DYNLT5: variants seen among roughly 807,000 people sequenced by gnomAD.
DYNLT5 encodes the protein dynein light chain Tctex-type family member 5, also known as dynein light chain Tctex-type 5.
A neutral mutation model predicts 19.3 loss-of-function variants in DYNLT5; 25 were observed. The observed-to-expected ratio is 1.30, with a 90% CI of 0.95 to 1.81. DYNLT5 has a LOEUF of 1.81. Ranked by LOEUF, DYNLT5 falls within the 40% of genes most tolerant of loss-of-function variation. The pLI, the probability that DYNLT5 is intolerant of heterozygous loss-of-function variation, is 0.00. For missense variants in DYNLT5, 232 were observed against 217.9 expected, an observed-to-expected ratio of 1.06 and a Z score of -0.41; for synonymous variants, 82 against 68.9, an observed-to-expected ratio of 1.19 and a Z score of -0.94.
intron 2 of DYNLT5, among the ~76,000 whole-genome samples, chr1:66,762,484 G>A (rs2094647724): frequency 1.3e-5 from 2 of 152,138 alleles, no homozygotes; most frequent in African/African-American, 2.4e-5. Context: ...TTCCTCCACT[G>A]AAGACTTGAA....
intron 3 of DYNLT5, 49 bp downstream of exon 3, chr1:66,770,527 C>A: frequency 7.5e-7 from 1 of 1,330,512 alleles, no homozygotes; most frequent in South Asian, 1.2e-5. Context: ...AAATTGGTGA[C>A]TGATTCTCTT....
At chr1:66,775,932 G>A (rs1259143249) in intron 3 of DYNLT5, among the ~76,000 whole-genome samples, 1 of 152,146 alleles carries the variant, frequency 6.6e-6, no homozygotes, top group Non-Finnish European at 1.5e-5. Context: ...CTGGTAGATA[G>A]ATTGGAGCGG....
chr1:66,757,507 T>A (rs1006648860), intron 2 of DYNLT5, among the ~76,000 whole-genome samples: 1 of 152,200 alleles, frequency 6.6e-6, no homozygotes, highest in African/African-American at 2.4e-5. Context: ...GTTGGCATAT[T>A]TCTGTTAGAC....
At chr1:66,774,161 C>T (rs1645221487) in intron 3 of DYNLT5, among the ~76,000 whole-genome samples, 1 of 152,122 alleles carries the variant, frequency 6.6e-6, no homozygotes, top group Non-Finnish European at 1.5e-5. Flanking sequence ...TGTGCACTTT[C>T]TTCTCTTTTG....
intron 3 of DYNLT5, chr1:66,774,915 T>C (rs1468325390): frequency 6.6e-6 from 1 of 152,172 alleles, no homozygotes; most frequent in African/African-American, 2.4e-5. Flanking sequence ...ACAGATACAG[T>C]CATCACAAAC....
intron 3 of DYNLT5, 130 bp from the exon 4 acceptor site, chr1:66,776,149 G>A: frequency 8.0e-7 from 1 of 1,244,226 alleles, no homozygotes; most frequent in Non-Finnish European, 1.1e-6. Flanking sequence ...AGAGCCACTT[G>A]TTTCTTTCAA....
chr1:66,765,193 C>T (rs1572547403), intron 2 of DYNLT5, among the ~76,000 whole-genome samples: 1 of 152,088 alleles, frequency 6.6e-6, no homozygotes, highest in East Asian at 1.9e-4. Context: ...TGGGAGGCAG[C>T]ACATGATTTA....
intron 3 of DYNLT5, among the ~76,000 whole-genome samples, chr1:66,775,791 CA>C (rs1645231034): frequency 6.6e-6 from 1 of 152,214 alleles, no homozygotes; most frequent in African/African-American, 2.4e-5. Context: ...AGTAAGGACA[CA>C]GGAGCACCTT....
At chr1:66,771,428 TATAG>T (rs1434131159) in intron 3 of DYNLT5, among the ~76,000 whole-genome samples, 4 of 152,212 alleles carry the variant, frequency 2.6e-5, no homozygotes. Flanking sequence ...GCACTGGCTT[TATAG>T]ATAGAGCAGT....
intron 3 of DYNLT5, chr1:66,770,694 C>A: frequency 1.5e-6 from 1 of 645,970 alleles, no homozygotes; most frequent in Admixed American, 2.1e-5. Context: ...TTCCCAAATG[C>A]CAAACAATTC....
Position 66,777,526 on chromosome 1 carries a change from T to C in DYNLT5, c.*72T>C. ...GCTGTATGTCTGTACACAAAAGTTT[T>C]ACTGCCAAAAACTTTGAGAAAGAAA... On this transcript the variant is annotated 3_prime_UTR_variant, in exon 5 of 5. Coordinates refer to ENST00000282670, the MANE Select transcript of DYNLT5 (RefSeq NM_152665.3). The C allele has an allele frequency of 7.3e-7, 1 of 1,362,416 alleles. No homozygotes were observed. Among genetic ancestry groups the C allele is most frequent in the South Asian group, 1.5e-5 (1 of 68,842 alleles). 84.4% of individuals were successfully genotyped at this position (1,362,416 alleles called of 1,614,324 possible). A position where few individuals can be genotyped will look rare whatever the true frequency, so the allele number is the denominator to read the frequency against.
intron 2 of DYNLT5, among the ~76,000 whole-genome samples, chr1:66,770,147 T>C (rs528735482): frequency 5.3e-5 from 8 of 152,176 alleles, no homozygotes; most frequent in Non-Finnish European, 1.0e-4. Flanking sequence ...ATGACCTGGG[T>C]AACTGCCCTG....
At chr1:66,760,133 C>T (rs540754982) in intron 2 of DYNLT5, among the ~76,000 whole-genome samples, 1 of 152,178 alleles carries the variant, frequency 6.6e-6, no homozygotes, top group African/African-American at 2.4e-5. Flanking sequence ...CACCCACTTC[C>T]AAACTCCCTT....
In DYNLT5 at chr1:66,767,823, G is replaced by A. The variant is rs115691762; in HGVS notation, c.120-2564G>A. 6.3e-3 allele frequency among the ~76,000 whole-genome samples: 959 copies of A among 152,178 alleles called. 11 individuals carry two copies. Among genetic ancestry groups the A allele is most frequent in the African/African-American group, 0.022 (914 of 41,498 alleles). ...TATCCACATTCCAGTCACAAAGAAGGGTCAAAACAGGCTCCTATAGGCTGC... is the reference window on the plus strand; with the variant it reads ...TATCCACATTCCAGTCACAAAGAAGAGTCAAAACAGGCTCCTATAGGCTGC... On this transcript the variant is annotated intron_variant, in intron 2 of 4. Coordinates refer to ENST00000282670, the MANE Select transcript of DYNLT5 (RefSeq NM_152665.3).
chr1:66,762,396 T>A (rs866840095), intron 2 of DYNLT5, among the ~76,000 whole-genome samples: 1 of 152,202 alleles, frequency 6.6e-6, no homozygotes, highest in African/African-American at 2.4e-5. Context: ...AGAACTTATT[T>A]CTCCTATCTA....
chr1:66,767,040 G>A lies in DYNLT5; in HGVS notation c.120-3347G>A, dbSNP rs150364149. ...CAGAAAAGATAACTATTGGGTACTA[G>A]GCTTAATACCTGAGTGATTAAATAA... On this transcript the variant is annotated intron_variant, in intron 2 of 4. Coordinates refer to ENST00000282670, the MANE Select transcript of DYNLT5 (RefSeq NM_152665.3). Among the ~76,000 whole-genome samples, 168 of 152,060 alleles carry A rather than the reference G, an allele frequency of 1.1e-3. 1 individual carries two copies. The highest frequency in any genetic ancestry group is 1.6e-3 in the Non-Finnish European group (109 of 68,002).
rs556046597 is a variant in DYNLT5, at chr1:66,755,064, T to C, written c.119+287T>C. Among the ~76,000 whole-genome samples, 220 of 152,362 alleles carry C rather than the reference T, an allele frequency of 1.4e-3. 3 individuals carry two copies. The South Asian group carries it at 0.045, about 31-fold the overall frequency. On this transcript the variant is annotated intron_variant, in intron 2 of 4. Coordinates refer to ENST00000282670, the MANE Select transcript of DYNLT5 (RefSeq NM_152665.3). ...TAAACCAGACACGCTTATATGTCTTTTGAGTTCTTCTCCTCAATATTTTAT... is the reference window on the plus strand; with the variant it reads ...TAAACCAGACACGCTTATATGTCTTCTGAGTTCTTCTCCTCAATATTTTAT...
In DYNLT5 at chr1:66,777,506, A is replaced by G. The variant is rs994768140; in HGVS notation, c.*52A>G. The G allele has an allele frequency of 3.3e-6, 5 of 1,528,832 alleles. No homozygotes were observed. Among genetic ancestry groups the G allele is most frequent in the Non-Finnish European group, 4.5e-6 (5 of 1,122,818 alleles). 94.7% of individuals were successfully genotyped at this position (1,528,832 alleles called of 1,614,324 possible). On this transcript the variant is annotated 3_prime_UTR_variant, in exon 5 of 5. Coordinates refer to ENST00000282670, the MANE Select transcript of DYNLT5 (RefSeq NM_152665.3). ...TTTTGAAAATTCTGAGGCAGGCTGT[A>G]TGTCTGTACACAAAAGTTTTACTGC...
At position 66,754,703 on chromosome 1, in the gene DYNLT5, G is replaced by A. The variant is rs916147868; in HGVS notation, c.45G>A (p.Trp15Ter). 1 of 1,613,400 alleles carries A rather than the reference G, an allele frequency of 6.2e-7. No homozygotes were observed. Among genetic ancestry groups the A allele is most frequent in the Non-Finnish European group, 8.5e-7 (1 of 1,179,748 alleles). ...CTAAAGGCAGAGCAGCTCATTCATG[G>A]AAGAAAAGAGGGAGTATTTCTTCTC... is the stretch of plus-strand genomic sequence containing the variant. ...DNAKGRAAHS[W>*]KKRGSISSLS... Residue 15 changes from tryptophan (W) to a stop codon, truncating the protein, a stop_gained, in exon 2 of 5, where the codon TGG becomes TGA. Transcript: ENST00000282670. LOFTEE classifies it high-confidence loss of function.
Sources: allele counts gnomAD v4.1 joint callset (sites outside exome capture counted in the v4.1 genomes callset), GRCh38; gene constraint gnomAD v4.1.1; transcripts MANE v1.5; gene names NCBI Gene and HGNC (gene_info 2026-07-23, HGNC 2026-07-21).